SYNJ2: variants seen among roughly 807,000 people sequenced by gnomAD.
SYNJ2 encodes polyphosphatidylinositol phosphatase SYNJ2.
In SYNJ2, 116 loss-of-function variants were observed where a neutral mutation model predicts 141.3. The ratio of observed to expected loss-of-function variants is 0.82; its 90% CI spans 0.71 to 0.96. SYNJ2 has a LOEUF of 0.96. SYNJ2 is among the 40% of genes least tolerant of loss of function. The pLI is 0.00. For missense variants in SYNJ2, 1,873 were observed against 1,934.8 expected (o/e 0.97, Z 0.60); for synonymous variants, 745 against 777.7 (o/e 0.96, Z 0.70).
chr6:158,069,120 G>A (rs1781751525), intron 13 of SYNJ2, among the ~76,000 whole-genome samples: 2 of 152,028 alleles, frequency 1.3e-5, no homozygotes, highest in South Asian at 4.2e-4. Flanking sequence ...TGTGAGTGCC[G>A]GGAAGAGGTA....
chr6:157,981,435 G>A (rs1463147657), upstream of SYNJ2, among the ~76,000 whole-genome samples: 3 of 152,248 alleles, frequency 2.0e-5, no homozygotes, highest in Non-Finnish European at 4.4e-5. The surrounding 1 kb of genome is among the most constrained non-coding windows in gnomAD (Gnocchi z 6.4). Flanking sequence ...GGGAGACCGA[G>A]GCACGCAGGG....
At chr6:158,014,009 T>C (rs1778362708) in intron 1 of SYNJ2, among the ~76,000 whole-genome samples, 1 of 152,238 alleles carries the variant, frequency 6.6e-6, no homozygotes, top group South Asian at 2.1e-4. Flanking sequence ...CCTTCCAGTA[T>C]GATTTTTCAA....
chr6:158,082,388 G>GAGGC (rs1782750638), intron 20 of SYNJ2, among the ~76,000 whole-genome samples: 1 of 124,086 alleles, frequency 8.1e-6, no homozygotes, highest in Middle Eastern at 3.4e-3. Context: ...TTGGGAGGCT[G>GAGGC]AGGCAGGAGA....
intron 26 of SYNJ2, chr6:158,094,065 G>A (rs1437390803): frequency 2.0e-5 from 15 of 751,576 alleles, no homozygotes; most frequent in Admixed American, 6.9e-5. Context: ...ATCACAGCAC[G>A]ATGCTGCTTC....
At chr6:158,082,346 G>A (rs1367025141) in intron 20 of SYNJ2, among the ~76,000 whole-genome samples, 1 of 152,078 alleles carries the variant, frequency 6.6e-6, no homozygotes, top group Non-Finnish European at 1.5e-5. Context: ...AATTAGCCAG[G>A]CATAGTGGCA....
Position 158,043,270 on chromosome 6 carries a change from G to A in SYNJ2, c.712-46G>A. ...CCCGTTACCCAGCCCAGGACGTTCG[G>A]TTTCATTGAAGAATACCTTTCCCTT... On this transcript the variant is annotated intron_variant, in intron 4 of 26. Coordinates refer to ENST00000355585, the MANE Select transcript of SYNJ2 (RefSeq NM_003898.4). This position sits in a 1 kb window ranked among gnomAD's most constrained non-coding sequence, Gnocchi z 4.0. 1.3e-6 allele frequency: 2 copies of A among 1,571,994 alleles called. No individual in the cohort carries two copies. The highest frequency in any genetic ancestry group is 1.8e-6 in the Non-Finnish European group (2 of 1,142,832).
In SYNJ2 at chr6:157,981,930, C is replaced by T. The variant is rs1010703475; in HGVS notation, c.-32C>T. On this transcript the variant is annotated 5_prime_UTR_variant, in exon 1 of 27. Transcript: ENST00000355585. This position sits in a 1 kb window ranked among gnomAD's most constrained non-coding sequence, Gnocchi z 6.4. ...CAGCGCGCCCTCGGGAGGACGTGGCCCCGGCCCCCGCCCGCAGTGGGCCCG... is the reference window on the plus strand; with the variant it reads ...CAGCGCGCCCTCGGGAGGACGTGGCTCCGGCCCCCGCCCGCAGTGGGCCCG... 2 of 1,224,358 alleles carry T rather than the reference C, an allele frequency of 1.6e-6. No individual in the cohort carries two copies. The highest frequency in any genetic ancestry group is 3.1e-5 in the African/African-American group (2 of 64,126). The allele number at this position is 1,224,358 out of a possible 1,614,324, so 75.8% of individuals were successfully genotyped here.
intron 7 of SYNJ2, among the ~76,000 whole-genome samples, chr6:158,061,610 C>A (rs1407694320): frequency 2.0e-5 from 3 of 152,148 alleles, no homozygotes; most frequent in Non-Finnish European, 2.9e-5. Context: ...TGCAGCCTGC[C>A]ACAGCACTGC....
intron 1 of SYNJ2, among the ~76,000 whole-genome samples, chr6:158,014,727 C>T (rs1778384814): frequency 6.6e-6 from 1 of 152,236 alleles, no homozygotes; most frequent in South Asian, 2.1e-4. Context: ...TGGGTGGTAG[C>T]AGGTCATGTT....
chr6:158,053,734 A>AATCCACCCAGCC, intron 5 of SYNJ2, among the ~76,000 whole-genome samples: 1 of 145,168 alleles, frequency 6.9e-6, no homozygotes, highest in Admixed American at 6.8e-5. Context: ...TCCAGCCATC[A>AATCCACCCAGCC]ATCCACCCAG....
At chr6:158,068,524 C>A (rs541981537) in intron 12 of SYNJ2, 123 bp from the exon 13 acceptor site, 2 of 1,026,154 alleles carry the variant, frequency 1.9e-6, no homozygotes, top group South Asian at 1.5e-5. Context: ...CAATGGTAGC[C>A]ACCTGGAGTT....
At position 158,093,048 on chromosome 6, in the gene SYNJ2, C is replaced by G. The variant is rs570177970; in HGVS notation, c.3688C>G (p.Arg1230Gly). The change falls in exon 26 of 27, where the codon CGG becomes GGG. Residue 1230 changes from arginine (R) to glycine (G), a missense_variant. Transcript: ENST00000355585. ...TPQAPPLLPRRPPPRVPAIKK... is the reference protein window; with the variant it reads ...TPQAPPLLPRGPPPRVPAIKK... Reference sequence around the variant, plus strand: ...ACAGGCGCCCCCACTCCTTCCCCGTCGGCCCCCACCCAGAGTTCCTGCCAT... The same window carrying G: ...ACAGGCGCCCCCACTCCTTCCCCGTGGGCCCCCACCCAGAGTTCCTGCCAT... The G allele has an allele frequency of 6.2e-7, 1 of 1,609,406 alleles. No individual in the cohort carries two copies. Among genetic ancestry groups the G allele is most frequent in the Admixed American group, 1.7e-5 (1 of 57,850 alleles).
intron 13 of SYNJ2, among the ~76,000 whole-genome samples, chr6:158,069,014 AG>A (rs1781744059): frequency 6.6e-6 from 1 of 152,084 alleles, no homozygotes; most frequent in Non-Finnish European, 1.5e-5. Context: ...ATGCTGCCAG[AG>A]GGAGCTGGCA....
At chr6:158,014,657 C>G (rs1455015279) in intron 1 of SYNJ2, among the ~76,000 whole-genome samples, 1 of 152,224 alleles carries the variant, frequency 6.6e-6, no homozygotes, top group Non-Finnish European at 1.5e-5. Context: ...CGGTCTGTCC[C>G]GACTCTCTGC....
At chr6:158,049,008 C>T (rs1780408741) in intron 5 of SYNJ2, among the ~76,000 whole-genome samples, 1 of 152,022 alleles carries the variant, frequency 6.6e-6, no homozygotes, top group South Asian at 2.1e-4. Context: ...TTTGGGTAAC[C>T]TTAAGTCTGG....
At position 158,071,365 on chromosome 6, in the gene SYNJ2, G is replaced by A. The variant is rs773378699; in HGVS notation, c.1941-237G>A. Among the ~76,000 whole-genome samples the A allele has an allele frequency of 6.6e-6, 1 of 152,166 alleles. No individual in the cohort carries two copies. The highest frequency in any genetic ancestry group is 1.5e-5 in the Non-Finnish European group (1 of 68,034). The stretch of plus-strand genomic sequence containing the variant: ...GTCTTCGGCTTCATGGGGTGCTCAA[G>A]TGAGCACTTCCCAGTTGGGGTGTGG... On this transcript the variant is annotated intron_variant, in intron 14 of 26. Transcript: ENST00000355585. The surrounding 1 kb of genome is among the most constrained non-coding windows in gnomAD (Gnocchi z 4.3).
intron 1 of SYNJ2, among the ~76,000 whole-genome samples, chr6:157,994,907 C>G (rs548993845): frequency 6.6e-6 from 1 of 152,130 alleles, no homozygotes; most frequent in South Asian, 2.1e-4. Flanking sequence ...TGGCCAGGAG[C>G]GCCCCTCCAT....
At chr6:158,030,341 T>C (rs1779295321) in intron 3 of SYNJ2, 1 of 152,666 alleles carries the variant, frequency 6.6e-6, no homozygotes, top group Admixed American at 6.5e-5. Flanking sequence ...ATATCAGTTT[T>C]CCCAGCTCTG....
intron 17 of SYNJ2, among the ~76,000 whole-genome samples, chr6:158,077,239 C>A (rs1782360694): frequency 6.6e-6 from 1 of 152,140 alleles, no homozygotes; most frequent in Non-Finnish European, 1.5e-5. Flanking sequence ...GGTGATCTGC[C>A]CACCTCGGCC....
Sources: gnomAD v4.1 joint callset for allele counts (sites outside exome capture counted in the v4.1 genomes callset) on GRCh38, gnomAD v4.1.1 for gene constraint, Gnocchi (gnomAD v3.1) non-coding constraint, MANE v1.5 for transcripts, NCBI Gene and HGNC (gene_info 2026-07-23, HGNC 2026-07-21) for gene names.